The following ARHGAP20 variants were observed in gnomAD, a reference collection of about 807,000 sequenced individuals.
ARHGAP20 encodes rho GTPase-activating protein 20.
In ARHGAP20, 34 loss-of-function variants were observed where a neutral mutation model predicts 73.7. The observed-to-expected ratio is 0.46, with a 90% confidence interval of 0.35 to 0.61. The LOEUF (loss-of-function observed/expected upper bound fraction) is 0.61, where lower values mean the gene tolerates loss of function less well. Ranked by LOEUF, ARHGAP20 falls within the 20% of genes least tolerant of loss-of-function variation. ARHGAP20 has a pLI of 0.00. For synonymous variants in ARHGAP20, 523 were observed against 518.2 expected, an observed-to-expected ratio of 1.01 and a Z score of -0.13; for missense variants, 1,314 against 1,420.9, an observed-to-expected ratio of 0.92 and a Z score of 1.21.
chr11:110,604,911 G>C (rs1948189012), intron 9 of ARHGAP20, among the ~76,000 whole-genome samples: 1 of 152,156 alleles, frequency 6.6e-6, no homozygotes, highest in Admixed American at 6.6e-5. Flanking sequence ...TAAGACAGTT[G>C]ACTCAAGTAG....
rs1950224403 is a variant in ARHGAP20 at position 110,690,632 on chromosome 11, G to A, written c.106-3C>T. On this transcript the variant is annotated splice_region_variant and splice_polypyrimidine_tract_variant and intron_variant, in intron 1 of 14. Coordinates refer to ENST00000683387, the MANE Select transcript of ARHGAP20 (RefSeq NM_001384657.1). Reference sequence around the variant, plus strand: ...CTTTCTGCTAGTGTTTTCATTTTCTGTTGATGAAACAAACCAAAATGAAGA... The same window carrying A: ...CTTTCTGCTAGTGTTTTCATTTTCTATTGATGAAACAAACCAAAATGAAGA... The A allele has an allele frequency of 6.2e-7, 1 of 1,613,850 alleles. No homozygotes were observed. Among genetic ancestry groups the A allele is most frequent in the Non-Finnish European group, 8.5e-7 (1 of 1,179,868 alleles).
At chr11:110,665,546 T>G (rs1591156727) in intron 2 of ARHGAP20, among the ~76,000 whole-genome samples, 1 of 152,154 alleles carries the variant, frequency 6.6e-6, no homozygotes, top group South Asian at 2.1e-4. Flanking sequence ...AGACAGAGAT[T>G]CTATTGCACA....
chr11:110,584,933 A>AT (rs1272884424), intron 12 of ARHGAP20, among the ~76,000 whole-genome samples: 1 of 141,804 alleles, frequency 7.1e-6, no homozygotes, highest in East Asian at 2.2e-4. Flanking sequence ...ATATGTGAAT[A>AT]TATGTGTATA....
intron 3 of ARHGAP20, among the ~76,000 whole-genome samples, chr11:110,625,250 G>C (rs1948718436): frequency 6.6e-6 from 1 of 151,022 alleles, no homozygotes; most frequent in Non-Finnish European, 1.5e-5. Context: ...TGTTAGCCAG[G>C]ATGGTCTCGA....
intron 3 of ARHGAP20, among the ~76,000 whole-genome samples, chr11:110,625,035 T>TTTTA (rs1948710405): frequency 7.6e-6 from 1 of 132,102 alleles, no homozygotes; most frequent in African/African-American, 3.1e-5. Flanking sequence ...TATTTTTATT[T>TTTTA]TTTTTTTTTT....
At chr11:110,691,544 C>T (rs1235531512) in intron 1 of ARHGAP20, among the ~76,000 whole-genome samples, 1 of 152,100 alleles carries the variant, frequency 6.6e-6, no homozygotes, top group Non-Finnish European at 1.5e-5. Flanking sequence ...CAATGGGAAC[C>T]ATATAAAACT....
At chr11:110,658,834 C>G (rs1000849713) in intron 2 of ARHGAP20, among the ~76,000 whole-genome samples, 1 of 151,970 alleles carries the variant, frequency 6.6e-6, no homozygotes, top group African/African-American at 2.4e-5. Flanking sequence ...TCTCCAGACA[C>G]TTAGGAATCC....
chr11:110,684,891 A>G (rs1950101768), intron 2 of ARHGAP20, among the ~76,000 whole-genome samples: 1 of 149,068 alleles, frequency 6.7e-6, no homozygotes, highest in African/African-American at 2.5e-5. Flanking sequence ...ACATGAAAAC[A>G]AAAGACACTA....
chr11:110,656,177 G>C (rs553265912), intron 2 of ARHGAP20, among the ~76,000 whole-genome samples: 7 of 152,036 alleles, frequency 4.6e-5, no homozygotes, highest in Non-Finnish European at 7.4e-5. Flanking sequence ...GGAGTCTCTT[G>C]TAGCTACTGC....
In ARHGAP20 at chr11:110,592,126, T is replaced by C. The variant is rs1480746827; in HGVS notation, c.994A>G (p.Arg332Gly). The part of the protein sequence containing the change: ...DSGHKTFKRR[R>G]SIINWAFWRG... ...CAGAAGGCCCAGTTTATGATAGATCTTCTCCTTTTAAATGTCTTATGACCT... is the reference window on the plus strand; with the variant it reads ...CAGAAGGCCCAGTTTATGATAGATCCTCTCCTTTTAAATGTCTTATGACCT... The change falls in exon 10 of 15, where the codon AGA (arginine) becomes GGA (glycine). Residue 332 changes from arginine to glycine, a missense_variant. Transcript: ENST00000683387. 6.2e-7 allele frequency: 1 copy of C among 1,614,078 alleles called. No individual in the cohort carries two copies. The highest frequency in any genetic ancestry group is 8.5e-7 in the Non-Finnish European group (1 of 1,179,938).
Position 110,611,366 on chromosome 11 carries a change from C to A in ARHGAP20, c.651G>T (p.Met217Ile). 6.5e-7 allele frequency: 1 copy of A among 1,550,280 alleles called. No individual in the cohort carries two copies. ...TAACTTCATTCGCTGTATCTGAATT[C>A]ATTACTGTTATAGTTTTAGACTGTA... ...NCAYSKTITV[M>I]NSDTANEVIN... The change falls in exon 7 of 15, where the codon ATG becomes ATT. Residue 217 changes from methionine to isoleucine, a missense_variant. Coordinates refer to ENST00000683387, the MANE Select transcript of ARHGAP20 (RefSeq NM_001384657.1).
chr11:110,616,823 T>C (rs964135059), intron 4 of ARHGAP20, among the ~76,000 whole-genome samples: 3 of 152,178 alleles, frequency 2.0e-5, no homozygotes, highest in Admixed American at 1.3e-4. Flanking sequence ...AGCAAAAATC[T>C]GTTGAGAAAC....
At chr11:110,680,007 T>G (rs1950008346) in intron 2 of ARHGAP20, among the ~76,000 whole-genome samples, 1 of 152,162 alleles carries the variant, frequency 6.6e-6, no homozygotes, top group African/African-American at 2.4e-5. Flanking sequence ...AGTTGACCCA[T>G]AGTCAAGTTG....
chr11:110,708,319 C>T (rs554655901), intron 1 of ARHGAP20, among the ~76,000 whole-genome samples: 4 of 152,134 alleles, frequency 2.6e-5, no homozygotes, highest in East Asian at 1.9e-4. Context: ...AAAACCACTT[C>T]GGAAAAAACA....
chr11:110,672,034 A>T (rs925574802), intron 2 of ARHGAP20, among the ~76,000 whole-genome samples: 1 of 152,200 alleles, frequency 6.6e-6, no homozygotes, highest in African/African-American at 2.4e-5. Context: ...AGACAAAATT[A>T]ATCAAACTTG....
chr11:110,710,915 C>G (rs1043732071), intron 1 of ARHGAP20, among the ~76,000 whole-genome samples: 1 of 151,770 alleles, frequency 6.6e-6, no homozygotes, highest in African/African-American at 2.4e-5. Context: ...CAAATGCAAT[C>G]CCTTAAGATA....
chr11:110,641,589 T>C (rs914618943), intron 2 of ARHGAP20, among the ~76,000 whole-genome samples: 4 of 152,038 alleles, frequency 2.6e-5, no homozygotes, highest in South Asian at 2.1e-4. Context: ...CCTTTAAGAA[T>C]AGTTCTGCTT....
At chr11:110,639,500 A>G (rs917513982) in intron 2 of ARHGAP20, among the ~76,000 whole-genome samples, 1 of 151,874 alleles carries the variant, frequency 6.6e-6, no homozygotes, top group Non-Finnish European at 1.5e-5. Flanking sequence ...GTGTTGTAAA[A>G]CCATTATCAC....
chr11:110,696,762 T>C (rs7117008), intron 1 of ARHGAP20, among the ~76,000 whole-genome samples: 19,373 of 151,562 alleles, frequency 0.13, 2,013 homozygotes, highest in African/African-American at 0.29. Flanking sequence ...GTTTATTATT[T>C]CCATCTTTAT....
Sources: gnomAD v4.1 joint callset for allele counts (sites outside exome capture counted in the v4.1 genomes callset) on GRCh38, gnomAD v4.1.1 for gene constraint, MANE v1.5 for transcripts, NCBI Gene and HGNC (gene_info 2026-07-23, HGNC 2026-07-21) for gene names.